The following KHDRBS2 variants were observed in gnomAD, a reference collection of about 807,000 sequenced individuals.
KHDRBS2 encodes the protein KH domain-containing, RNA-binding, signal transduction-associated protein 2.
KHDRBS2 carries 26 observed loss-of-function variants against 44.3 expected under a neutral mutation model. That is an observed-to-expected ratio of 0.59 (90% CI 0.43 to 0.81). The LOEUF is 0.81. Ranked by LOEUF, KHDRBS2 falls within the 40% of genes least tolerant of loss-of-function variation. The pLI, the probability that KHDRBS2 is intolerant of heterozygous loss-of-function variation, is 0.00. For synonymous variants in KHDRBS2, 194 were observed against 151.1 expected (o/e 1.28, Z -2.08); for missense variants, 476 against 433.1 (o/e 1.10, Z -0.88).
chr6:62,276,897 T>C (rs961109900), intron 1 of KHDRBS2, among the ~76,000 whole-genome samples: 2 of 152,218 alleles, frequency 1.3e-5, no homozygotes, highest in African/African-American at 4.8e-5. Flanking sequence ...CTTTACAATT[T>C]CTTTGCTGTG....
chr6:61,711,877 G>A (rs551398867), intron 7 of KHDRBS2, among the ~76,000 whole-genome samples: 1 of 151,916 alleles, frequency 6.6e-6, no homozygotes, highest in African/African-American at 2.4e-5. Flanking sequence ...TAGTAATGCT[G>A]CATAACAAAC....
At chr6:62,075,061 A>C (rs990754467) in intron 2 of KHDRBS2, among the ~76,000 whole-genome samples, 3 of 151,946 alleles carry the variant, frequency 2.0e-5, no homozygotes, top group Non-Finnish European at 2.9e-5. Flanking sequence ...AGTGAGAGTA[A>C]CACTTACATT....
chr6:62,065,314 C>G (rs950793653), intron 2 of KHDRBS2, among the ~76,000 whole-genome samples: 1 of 151,972 alleles, frequency 6.6e-6, no homozygotes, highest in Non-Finnish European at 1.5e-5. Context: ...AATCATGCTG[C>G]TATAAAGACA....
At chr6:61,914,121 T>C (rs544127953) in intron 4 of KHDRBS2, among the ~76,000 whole-genome samples, 6 of 152,112 alleles carry the variant, frequency 3.9e-5, no homozygotes, top group African/African-American at 9.6e-5. Flanking sequence ...AGAGAGGGGC[T>C]AAGACACCAT....
chr6:61,939,017 A>G (rs1427663692), intron 4 of KHDRBS2, among the ~76,000 whole-genome samples: 1 of 152,158 alleles, frequency 6.6e-6, no homozygotes, highest in African/African-American at 2.4e-5. Flanking sequence ...TCATTCAGAG[A>G]CATTTTTGAT....
chr6:62,033,860 A>G (rs1435036901), intron 3 of KHDRBS2, among the ~76,000 whole-genome samples: 6 of 151,744 alleles, frequency 4.0e-5, no homozygotes, highest in African/African-American at 1.4e-4. Context: ...GGTTTTTTGA[A>G]AAGTTAAAAA....
chr6:61,914,339 TGG>T (rs748974775), intron 4 of KHDRBS2, among the ~76,000 whole-genome samples: 7 of 152,108 alleles, frequency 4.6e-5, no homozygotes, highest in Non-Finnish European at 7.4e-5. Context: ...TTACTGAATG[TGG>T]GCTTCCCTCT....
At chr6:61,779,399 G>T (rs539101303) in intron 6 of KHDRBS2, among the ~76,000 whole-genome samples, 12 of 152,190 alleles carry the variant, frequency 7.9e-5, no homozygotes, top group Non-Finnish European at 1.5e-4. Context: ...GATGAAAATA[G>T]TATGGGAACC....
intron 2 of KHDRBS2, among the ~76,000 whole-genome samples, chr6:62,140,076 A>C (rs745786547): frequency 1.2e-4 from 18 of 152,232 alleles, no homozygotes; most frequent in Admixed American, 2.6e-4. Context: ...GATTCCCAGG[A>C]AATCTTTTCC....
chr6:62,093,115 T>G (rs1376022280), intron 2 of KHDRBS2, among the ~76,000 whole-genome samples: 1 of 151,748 alleles, frequency 6.6e-6, no homozygotes, highest in East Asian at 1.9e-4. Flanking sequence ...CTACTTTTAA[T>G]TAATTAGGCA....
intron 4 of KHDRBS2, among the ~76,000 whole-genome samples, chr6:61,933,332 T>C (rs1213490333): frequency 4.0e-5 from 6 of 151,366 alleles, no homozygotes; most frequent in Middle Eastern, 3.2e-3. Context: ...CAATTTGACA[T>C]GAGATTTCAG....
the KHDRBS2 span, among the ~76,000 whole-genome samples, chr6:61,609,155 C>G: frequency 1.3e-5 from 2 of 152,032 alleles, no homozygotes; most frequent in East Asian, 3.9e-4. Flanking sequence ...GTCAGGAGTT[C>G]GAGACCAGCC....
At position 61,861,548 on chromosome 6, in the gene KHDRBS2, T is replaced by C. The variant is rs372110534; in HGVS notation, c.810+33087A>G. Among the ~76,000 whole-genome samples the C allele has an allele frequency of 2.6e-5, 4 of 151,998 alleles. No individual in the cohort carries two copies. In the East Asian group the frequency reaches 5.8e-4, roughly 22 times the overall value. On this transcript the variant is annotated intron_variant, in intron 6 of 8. Coordinates refer to ENST00000281156, the MANE Select transcript of KHDRBS2 (RefSeq NM_152688.4). Reference sequence around the variant, plus strand: ...TAGATGTACAGTCTTATTTCTGCGTTCTCTATTCTGTTCCATTGGTCTATG... The same window carrying C: ...TAGATGTACAGTCTTATTTCTGCGTCCTCTATTCTGTTCCATTGGTCTATG...
At chr6:61,793,862 T>C (rs1207452754) in intron 6 of KHDRBS2, among the ~76,000 whole-genome samples, 2 of 152,094 alleles carry the variant, frequency 1.3e-5, no homozygotes, top group African/African-American at 2.4e-5. Context: ...ATGATAATCG[T>C]CAACAAATGT....
chr6:61,732,696 C>G lies in KHDRBS2; in HGVS notation c.879G>C (p.Ala293=), dbSNP rs181753414. The G allele has an allele frequency of 2.5e-6, 4 of 1,606,544 alleles. No individual in the cohort carries two copies. The Admixed American group carries it at 6.7e-5, about 27-fold the overall frequency. Residue 293 remains alanine, a synonymous_variant, in exon 7 of 9, where the codon GCG becomes GCC. Coordinates refer to ENST00000281156, the MANE Select transcript of KHDRBS2 (RefSeq NM_152688.4). The stretch of plus-strand genomic sequence containing the variant: ...AAATGCCTTACCTTTGTGTTTGGGT[C>G]GCATAGCTGTTATCATAAGTCTCAT... ...QTYETYDNSY[A]TQTQSVPEYY...
chr6:61,967,208 A>G (rs899291446), intron 4 of KHDRBS2, among the ~76,000 whole-genome samples: 1 of 56,156 alleles, frequency 1.8e-5, no homozygotes, highest in East Asian at 7.3e-4. Flanking sequence ...TGTTTACAAA[A>G]AAAAAAAAAA....
the KHDRBS2 span, among the ~76,000 whole-genome samples, chr6:61,650,418 T>C: frequency 1.3e-5 from 2 of 152,008 alleles, no homozygotes; most frequent in African/African-American, 2.4e-5. Flanking sequence ...TGTTTTTTTT[T>C]TTTAATCAGG....
At chr6:61,677,169 A>G (rs1478651376), downstream of KHDRBS2, among the ~76,000 whole-genome samples, 1 of 151,900 alleles carries the variant, frequency 6.6e-6, no homozygotes, top group Non-Finnish European at 1.5e-5. Flanking sequence ...GACCACAACA[A>G]CAATCAAATA....
chr6:62,193,092 T>C, intron 1 of KHDRBS2, among the ~76,000 whole-genome samples: 1 of 152,036 alleles, frequency 6.6e-6, no homozygotes, highest in Non-Finnish European at 1.5e-5. Context: ...ATTGAAGAAA[T>C]CAAGAGATTC....
Sources: gnomAD v4.1 joint callset for allele counts (sites outside exome capture counted in the v4.1 genomes callset) on GRCh38, gnomAD v4.1.1 for gene constraint, MANE v1.5 for transcripts, NCBI Gene and HGNC (gene_info 2026-07-23, HGNC 2026-07-21) for gene names.